Variants in SLC9A8 observed in about 807,000 individuals in gnomAD.
SLC9A8 encodes solute carrier family 9 member A8.
SLC9A8 carries 48 observed loss-of-function variants against 66.6 expected under a neutral mutation model. That is an observed-to-expected ratio of 0.72 (90% CI 0.57 to 0.92). The LOEUF (loss-of-function observed/expected upper bound fraction) is 0.92. Among genes scored for constraint, SLC9A8 ranks in the 40% least tolerant of loss-of-function variants. SLC9A8 has a pLI of 0.00. For missense variants in SLC9A8, 599 were observed against 747.3 expected, an observed-to-expected ratio of 0.80 and a Z score of 2.31; for synonymous variants, 274 against 282.6, an observed-to-expected ratio of 0.97 and a Z score of 0.31.
Position 49,888,002 on chromosome 20 carries a change from C to A in SLC9A8, c.*66C>A. The A allele has an allele frequency of 7.8e-7, 1 of 1,278,994 alleles. No homozygotes were observed. The highest frequency in any genetic ancestry group is 1.1e-6 in the Non-Finnish European group (1 of 880,084). The allele number at this position is 1,278,994 out of a possible 1,614,324, so 79.2% of individuals were successfully genotyped here. On this transcript the variant is annotated 3_prime_UTR_variant, in exon 16 of 16. Transcript: ENST00000361573. ...GCGTTTGCTGCGCACAGACACTCAG[C>A]AGGGGCCTCGCAGAGATGCGTGCAT...
At chr20:49,849,768 G>A (rs988695886) in intron 6 of SLC9A8, 88 bp downstream of exon 6, 4 of 1,030,622 alleles carry the variant, frequency 3.9e-6, no homozygotes, top group Non-Finnish European at 6.0e-6. Flanking sequence ...GGGCCACTTT[G>A]TGGGGCCTGG....
intron 2 of SLC9A8, among the ~76,000 whole-genome samples, chr20:49,817,427 C>G (rs1005402219): frequency 2.7e-5 from 4 of 147,252 alleles, no homozygotes; most frequent in Non-Finnish European, 6.0e-5. Flanking sequence ...GAGATTAGGT[C>G]TTTTCAGAAA....
At chr20:49,844,900 C>T in intron 4 of SLC9A8, 136 bp from the exon 5 acceptor site, 1 of 428,618 alleles carries the variant, frequency 2.3e-6, no homozygotes, top group South Asian at 4.5e-5. Context: ...ATTTTATTAT[C>T]AGGTAGTTAT....
chr20:49,873,272 C>T (rs571329418), intron 10 of SLC9A8, among the ~76,000 whole-genome samples: 1 of 151,832 alleles, frequency 6.6e-6, no homozygotes, highest in East Asian at 1.9e-4. Context: ...TGCTTGAGCT[C>T]AGGGGTTTGA....
In SLC9A8 at chr20:49,855,599, G is replaced by A. The variant is rs774396359; in HGVS notation, c.713+18G>A. On this transcript the variant is annotated intron_variant, in intron 8 of 15. Transcript: ENST00000361573. ...CTGACCAAGTAAGTACGGGGGCAGA[G>A]AACAGACTTTTTTCATGTGACAGAA... The A allele has an allele frequency of 1.9e-6, 3 of 1,610,972 alleles. No individual in the cohort carries two copies. Among genetic ancestry groups the A allele is most frequent in the East Asian group, 2.2e-5 (1 of 44,834 alleles).
At chr20:49,872,145 CTT>C (rs1431414189) in intron 10 of SLC9A8, among the ~76,000 whole-genome samples, 9 of 152,172 alleles carry the variant, frequency 5.9e-5, no homozygotes, top group Non-Finnish European at 1.2e-4. Context: ...CAAAAACACT[CTT>C]GAGCTTCAAA....
Position 49,863,084 on chromosome 20 carries a change from A to T in SLC9A8, c.852+17A>T, listed in dbSNP as rs1488678159. The T allele has an allele frequency of 6.3e-7, 1 of 1,598,556 alleles. No homozygotes were observed. Among genetic ancestry groups the T allele is most frequent in the South Asian group, 1.1e-5 (1 of 88,240 alleles). Reference sequence around the variant, plus strand: ...TCTGCATTAATATCCTTTTAATGTGATGAACATGCAGGGTTAAAATTATTC... The same window carrying T: ...TCTGCATTAATATCCTTTTAATGTGTTGAACATGCAGGGTTAAAATTATTC... On this transcript the variant is annotated intron_variant, in intron 9 of 15. Transcript: ENST00000361573.
At chr20:49,853,637 CTTCCCTTTCTTCT>C (rs1447416946) in intron 7 of SLC9A8, among the ~76,000 whole-genome samples, 1 of 152,212 alleles carries the variant, frequency 6.6e-6, no homozygotes, top group Non-Finnish European at 1.5e-5. Flanking sequence ...CCCTTTCTTC[CTTCCCTTTCTTCT>C]TCCCACCTGC....
intron 3 of SLC9A8, chr20:49,830,054 G>C (rs563847328): frequency 3.7e-5 from 26 of 699,678 alleles, no homozygotes; most frequent in African/African-American, 1.8e-4. Flanking sequence ...GACCAGAAGC[G>C]AGCCTGTTAA....
chr20:49,826,226 A>C (rs1407561692), intron 3 of SLC9A8, among the ~76,000 whole-genome samples: 2 of 152,218 alleles, frequency 1.3e-5, no homozygotes, highest in Admixed American at 1.3e-4. Flanking sequence ...AGAATTTGTA[A>C]ATGCTGACAT....
At chr20:49,877,409 A>T (rs2089465035) in intron 11 of SLC9A8, among the ~76,000 whole-genome samples, 1 of 152,194 alleles carries the variant, frequency 6.6e-6, no homozygotes, top group Non-Finnish European at 1.5e-5. Context: ...TTCTTAATAT[A>T]TACAAGTTTG....
chr20:49,867,891 C>T (rs926252526), intron 10 of SLC9A8, among the ~76,000 whole-genome samples: 7 of 152,214 alleles, frequency 4.6e-5, no homozygotes, highest in African/African-American at 1.4e-4. Flanking sequence ...TCTACCCAGT[C>T]GCTATCCGGA....
chr20:49,827,955 A>G (rs925271298), intron 3 of SLC9A8, among the ~76,000 whole-genome samples: 2 of 151,546 alleles, frequency 1.3e-5, no homozygotes, highest in Non-Finnish European at 2.9e-5. Context: ...CTACTAAAAG[A>G]TTTTAATTTT....
intron 1 of SLC9A8, among the ~76,000 whole-genome samples, chr20:49,813,189 A>G (rs1395728124): frequency 6.6e-6 from 1 of 152,202 alleles, no homozygotes; most frequent in Non-Finnish European, 1.5e-5. Flanking sequence ...GCAGGCCCGG[A>G]GAGCTGTCTT....
chr20:49,840,277 G>C (rs2087708132), intron 4 of SLC9A8, among the ~76,000 whole-genome samples: 1 of 152,120 alleles, frequency 6.6e-6, no homozygotes, highest in African/African-American at 2.4e-5. Context: ...CATCATCCTG[G>C]GGTGCAAGTA....
At chr20:49,858,259 C>T (rs965965376) in intron 8 of SLC9A8, among the ~76,000 whole-genome samples, 8 of 151,862 alleles carry the variant, frequency 5.3e-5, no homozygotes, top group Non-Finnish European at 1.0e-4. Context: ...GCAGAAATTT[C>T]TATAGCTTTA....
rs13433386 is a variant in SLC9A8 at position 49,891,375 on chromosome 20, A to G, written c.*3439A>G. 0.039 allele frequency: 5,907 copies of G among 152,110 alleles called. 149 individuals carry two copies. The highest frequency in any genetic ancestry group is 0.09 in the East Asian group (463 of 5,164). 9.4% of individuals were successfully genotyped at this position (152,110 alleles called of 1,614,324 possible). ...CCGGGTCCTCTGTCTAACGCCCTCCATTTCACGCCCTCCATCTCACAGTCA... is the reference window on the plus strand; with the variant it reads ...CCGGGTCCTCTGTCTAACGCCCTCCGTTTCACGCCCTCCATCTCACAGTCA... On this transcript the variant is annotated 3_prime_UTR_variant, in exon 16 of 16. Transcript: ENST00000361573.
chr20:49,829,939 G>C, intron 3 of SLC9A8: 1 of 588,234 alleles, frequency 1.7e-6, no homozygotes. Flanking sequence ...AAAGTCCCCA[G>C]AAGCGGGGTC....
At chr20:49,822,997 T>C (rs2086796205) in intron 2 of SLC9A8, 64 bp from the exon 3 acceptor site, 2 of 1,329,626 alleles carry the variant, frequency 1.5e-6, no homozygotes, top group Non-Finnish European at 2.2e-6. Flanking sequence ...TGACTTGAAC[T>C]TGGTGTTTAT....
Sources: allele counts gnomAD v4.1 joint callset (sites outside exome capture counted in the v4.1 genomes callset), GRCh38; gene constraint gnomAD v4.1.1; transcripts MANE v1.5; gene names NCBI Gene and HGNC (gene_info 2026-07-23, HGNC 2026-07-21).